SSBP2: variants seen among roughly 807,000 people sequenced by gnomAD.
SSBP2 encodes single-stranded DNA-binding protein 2.
Under a neutral mutation model 61.8 loss-of-function variants are expected in SSBP2, and 17 were observed. That is an observed-to-expected ratio of 0.28 (90% CI 0.19 to 0.41). The LOEUF (loss-of-function observed/expected upper bound fraction) is 0.41. Among genes scored for constraint, SSBP2 ranks in the 10% least tolerant of loss-of-function variants. The pLI, the probability that SSBP2 is intolerant of heterozygous loss-of-function variation, is 1.00. For missense variants in SSBP2, 310 were observed against 458.7 expected (o/e 0.68, Z 2.96); for synonymous variants, 139 against 141.3 (o/e 0.98, Z 0.12).
chr5:81,750,841 A>G, intron 1 of SSBP2, 140 bp downstream of exon 1: 1 of 934,542 alleles, frequency 1.1e-6, no homozygotes, highest in East Asian at 2.8e-5. Context: ...ACACGCCCCC[A>G]TCGCGGCACC....
Position 81,683,615 on chromosome 5 carries a change from A to G in SSBP2, c.63-33276T>C, listed in dbSNP as rs534787970. ...CAACACAAAACATTTTGTGATAGAA[A>G]TAACTGGTAAGTTTGGCTTCATTAA... On this transcript the variant is annotated intron_variant, in intron 1 of 16. Transcript: ENST00000320672. Among the ~76,000 whole-genome samples, 5 of 152,344 alleles carry G rather than the reference A, an allele frequency of 3.3e-5. No homozygotes were observed. The East Asian group carries it at 9.6e-4, about 29-fold the overall frequency.
chr5:81,495,015 G>T (rs754582995), intron 5 of SSBP2, among the ~76,000 whole-genome samples: 23 of 152,108 alleles, frequency 1.5e-4, no homozygotes, highest in Non-Finnish European at 2.5e-4. Context: ...TCCTAAAAGA[G>T]AGATTTTCCT....
At chr5:81,692,562 AG>A (rs1337955948) in intron 1 of SSBP2, among the ~76,000 whole-genome samples, 2 of 152,216 alleles carry the variant, frequency 1.3e-5, no homozygotes, top group Non-Finnish European at 2.9e-5. Context: ...TATCCTGAGC[AG>A]AGAGAACAAA....
At chr5:81,523,088 T>C (rs1554080191) in intron 4 of SSBP2, among the ~76,000 whole-genome samples, 1 of 152,022 alleles carries the variant, frequency 6.6e-6, no homozygotes, top group Non-Finnish European at 1.5e-5. Context: ...AAGAGTGCTG[T>C]GACTGGCTGG....
chr5:81,531,051 C>CAAACCA (rs762034401), intron 4 of SSBP2, among the ~76,000 whole-genome samples: 7 of 151,140 alleles, frequency 4.6e-5, no homozygotes, highest in Non-Finnish European at 8.9e-5. Flanking sequence ...TCTACAAAAC[C>CAAACCA]AAACCAAAAC....
intron 4 of SSBP2, among the ~76,000 whole-genome samples, chr5:81,531,044 ACAAAACCAAACCAAAAC>A (rs1033582588): frequency 4.0e-5 from 6 of 151,814 alleles, no homozygotes; most frequent in South Asian, 2.1e-4. Context: ...CCCTATTTCT[ACAAAACCAAACCAAAAC>A]CAAAACCAAA....
chr5:81,519,675 A>T (rs913993766), intron 4 of SSBP2, among the ~76,000 whole-genome samples: 1 of 152,140 alleles, frequency 6.6e-6, no homozygotes, highest in East Asian at 1.9e-4. Flanking sequence ...GACCAAAAAA[A>T]AAGGATGCCT....
chr5:81,590,920 G>C (rs2153515252), intron 4 of SSBP2, among the ~76,000 whole-genome samples: 1 of 152,328 alleles, frequency 6.6e-6, no homozygotes, highest in African/African-American at 2.4e-5. Flanking sequence ...GGATAGGACA[G>C]TATTACTAAG....
chr5:81,708,822 A>G (rs1005878690), intron 1 of SSBP2, among the ~76,000 whole-genome samples: 3 of 152,016 alleles, frequency 2.0e-5, no homozygotes, highest in African/African-American at 7.2e-5. Context: ...CTATAAATAC[A>G]GAAGAAACAG....
intron 4 of SSBP2, among the ~76,000 whole-genome samples, chr5:81,567,787 G>A (rs538440644): frequency 5.1e-4 from 77 of 152,324 alleles, no homozygotes; most frequent in African/African-American, 1.8e-3. Context: ...ACCTGGATGT[G>A]AGACACAGAG....
At chr5:81,662,169 A>C (rs1750746663) in intron 1 of SSBP2, among the ~76,000 whole-genome samples, 1 of 152,214 alleles carries the variant, frequency 6.6e-6, no homozygotes, top group Admixed American at 6.5e-5. Flanking sequence ...TCACCAAATA[A>C]AATTATTTCC....
chr5:81,705,283 A>G (rs1754291008), intron 1 of SSBP2, among the ~76,000 whole-genome samples: 3 of 152,146 alleles, frequency 2.0e-5, no homozygotes, highest in African/African-American at 7.2e-5. Flanking sequence ...CTGCAAATAA[A>G]ATGTTAGAGT....
At chr5:81,447,799 G>A (rs185748243) in intron 11 of SSBP2, 7 of 152,098 alleles carry the variant, frequency 4.6e-5, no homozygotes, top group African/African-American at 1.7e-4. Flanking sequence ...TGATATATCA[G>A]CCTTATTCAT....
intron 4 of SSBP2, among the ~76,000 whole-genome samples, chr5:81,613,843 T>G (rs904452191): frequency 1.3e-5 from 2 of 151,902 alleles, no homozygotes; most frequent in African/African-American, 2.4e-5. Flanking sequence ...ATTTCTTCTG[T>G]CAACCAAGGG....
chr5:81,528,631 T>A (rs899113973), intron 4 of SSBP2, among the ~76,000 whole-genome samples: 1 of 152,108 alleles, frequency 6.6e-6, no homozygotes, highest in South Asian at 2.1e-4. Flanking sequence ...AACATGGTTT[T>A]AAACATCATT....
chr5:81,420,822 AT>A (rs1433661334), intron 16 of SSBP2, among the ~76,000 whole-genome samples: 5 of 152,246 alleles, frequency 3.3e-5, no homozygotes, highest in African/African-American at 1.2e-4. Flanking sequence ...ATCCAGACAG[AT>A]TTATGTTTTG....
At position 81,417,880 on chromosome 5, in the gene SSBP2, C is replaced by T. The variant is rs1157093192; in HGVS notation, c.*2624G>A. 6.6e-6 allele frequency: 1 copy of T among 151,802 alleles called. No individual in the cohort carries two copies. The highest frequency in any genetic ancestry group is 1.5e-5 in the Non-Finnish European group (1 of 67,964). 9.4% of individuals were successfully genotyped at this position (151,802 alleles called of 1,614,324 possible). ...GAAATAAATACTTATAATCAATTGA[C>T]TGCTCTGCCTTGAAAAAAAAAACGA... On this transcript the variant is annotated 3_prime_UTR_variant, in exon 17 of 17. Transcript: ENST00000320672.
chr5:81,575,097 G>A (rs868402374), intron 4 of SSBP2, among the ~76,000 whole-genome samples: 2 of 152,002 alleles, frequency 1.3e-5, no homozygotes, highest in Non-Finnish European at 2.9e-5. Flanking sequence ...GTGAAACCCC[G>A]TCTCTACTAA....
chr5:81,531,771 C>A (rs953045119), intron 4 of SSBP2, among the ~76,000 whole-genome samples: 2 of 151,566 alleles, frequency 1.3e-5, no homozygotes, highest in African/African-American at 4.8e-5. Flanking sequence ...GGAAAGAGTG[C>A]AAGAGAAAGA....
Sources: gnomAD v4.1 joint callset for allele counts (sites outside exome capture counted in the v4.1 genomes callset) on GRCh38, gnomAD v4.1.1 for gene constraint, MANE v1.5 for transcripts, NCBI Gene and HGNC (gene_info 2026-07-23, HGNC 2026-07-21) for gene names.